IP6K1: variants seen among roughly 807,000 people sequenced by gnomAD.
The protein encoded by IP6K1 is inositol hexakisphosphate kinase 1.
IP6K1 carries 13 observed loss-of-function variants against 38.3 expected under a neutral mutation model. The ratio of observed to expected loss-of-function variants is 0.34; its 90% CI spans 0.22 to 0.54. IP6K1 has a LOEUF of 0.54. Among genes scored for constraint, IP6K1 ranks in the 20% least tolerant of loss-of-function variants. IP6K1 has a pLI of 0.92. For synonymous variants in IP6K1, 212 were observed against 229.9 expected, an observed-to-expected ratio of 0.92 and a Z score of 0.70; for missense variants, 397 against 599.8, an observed-to-expected ratio of 0.66 and a Z score of 3.53.
At chr3:49,760,082 G>C (rs1231556905) in intron 1 of IP6K1, among the ~76,000 whole-genome samples, 3 of 151,982 alleles carry the variant, frequency 2.0e-5, no homozygotes, top group Non-Finnish European at 2.9e-5. Flanking sequence ...TTTTTGTAGA[G>C]ATGAGGTCTC....
In IP6K1 at chr3:49,764,223, G is replaced by GA. The variant is rs923632951; in HGVS notation, c.-128-16056dup. The stretch of plus-strand genomic sequence containing the variant: ...ATAGTGAGACCCCATTTCTACAAAA[G>GA]AAAAAAAAAATAGCCAGACATGGTG... On this transcript the variant is annotated intron_variant, in intron 1 of 5. Transcript: ENST00000321599. 1.7e-4 allele frequency among the ~76,000 whole-genome samples: 25 copies of GA among 145,192 alleles called. No individual in the cohort carries two copies. In the East Asian group the frequency reaches 2.2e-3, roughly 13 times the overall value.
intron 1 of IP6K1, among the ~76,000 whole-genome samples, chr3:49,771,973 C>T (rs1163271685): frequency 6.6e-6 from 1 of 151,938 alleles, no homozygotes; most frequent in Admixed American, 6.6e-5. Flanking sequence ...CAACACTTTG[C>T]GAGGCCAAAG....
intron 5 of IP6K1, 67 bp downstream of exon 5, chr3:49,728,036 G>A (rs961822680): frequency 1.3e-6 from 2 of 1,497,260 alleles, no homozygotes; most frequent in Non-Finnish European, 9.2e-7. Flanking sequence ...ATAGATGGCA[G>A]GCAGGTATGA....
chr3:49,780,543 AGC>A (rs2081056665), intron 1 of IP6K1, among the ~76,000 whole-genome samples: 1 of 152,244 alleles, frequency 6.6e-6, no homozygotes, highest in African/African-American at 2.4e-5. Context: ...TGTTCCTTAT[AGC>A]GTCAGGGCTG....
chr3:49,772,719 T>C (rs2080970725), intron 1 of IP6K1, among the ~76,000 whole-genome samples: 1 of 151,120 alleles, frequency 6.6e-6, no homozygotes, highest in Non-Finnish European at 1.5e-5. Context: ...TACTTCTGAC[T>C]AGCCAATTTC....
chr3:49,756,739 C>T (rs1374189338), intron 1 of IP6K1, among the ~76,000 whole-genome samples: 1 of 145,182 alleles, frequency 6.9e-6, no homozygotes. Context: ...CACTTGAACC[C>T]AGAAGGCAGA....
At chr3:49,742,052 C>A (rs539106938) in intron 2 of IP6K1, among the ~76,000 whole-genome samples, 1 of 151,972 alleles carries the variant, frequency 6.6e-6, no homozygotes, top group Non-Finnish European at 1.5e-5. Flanking sequence ...GCACTCCAGC[C>A]TGGGCGACAC....
intron 1 of IP6K1, chr3:49,775,361 G>T: frequency 3.0e-6 from 1 of 334,682 alleles, no homozygotes; most frequent in South Asian, 5.7e-5. Context: ...TGTGAAAAAT[G>T]TGACAGCAAG....
rs1293273886 is a variant in IP6K1, at chr3:49,724,945, GGGCTAAGAA to G, written c.*2168_*2176del. The G allele has an allele frequency of 6.5e-6, 1 of 152,900 alleles. No individual in the cohort carries two copies. The highest frequency in any genetic ancestry group is 1.5e-5 in the Non-Finnish European group (1 of 68,242). 9.5% of individuals were successfully genotyped at this position (152,900 alleles called of 1,614,324 possible). ...CATGTTGCACTTTGTTCCCAAGTTG[GGGCTAAGAA>G]GGCTGGGCCTGGCAGGGACAGGGCT... is the stretch of plus-strand genomic sequence containing the variant. On this transcript the variant is annotated 3_prime_UTR_variant, in exon 6 of 6. Coordinates refer to ENST00000321599, the MANE Select transcript of IP6K1 (RefSeq NM_153273.4).
chr3:49,752,948 C>T (rs1461496724), intron 1 of IP6K1, among the ~76,000 whole-genome samples: 11 of 151,658 alleles, frequency 7.3e-5, no homozygotes, highest in Admixed American at 1.3e-4. Context: ...TTACTAGAGA[C>T]GGGGTTTTGT....
At chr3:49,753,207 A>G (rs1428064899) in intron 1 of IP6K1, among the ~76,000 whole-genome samples, 1 of 152,088 alleles carries the variant, frequency 6.6e-6, no homozygotes, top group Non-Finnish European at 1.5e-5. Flanking sequence ...ACTGGCCTTC[A>G]TGATGTTCCT....
chr3:49,749,973 G>C (rs547019830), intron 1 of IP6K1, among the ~76,000 whole-genome samples: 1 of 152,046 alleles, frequency 6.6e-6, no homozygotes, highest in Non-Finnish European at 1.5e-5. Context: ...TGAGTATAGT[G>C]CACACATCTA....
At chr3:49,773,980 AACACACACACACACAC>A (rs10575617) in intron 1 of IP6K1, among the ~76,000 whole-genome samples, 3 of 142,178 alleles carry the variant, frequency 2.1e-5, no homozygotes, top group Admixed American at 7.2e-5. Flanking sequence ...CTCTCTCTAA[AACACACACACACACAC>A]ACACACACAC....
intron 1 of IP6K1, among the ~76,000 whole-genome samples, chr3:49,773,526 G>C (rs1217763500): frequency 6.6e-6 from 1 of 152,176 alleles, no homozygotes; most frequent in Non-Finnish European, 1.5e-5. Context: ...CAGGAGAATG[G>C]CATGACCCTG....
chr3:49,759,495 G>A (rs1339737491), intron 1 of IP6K1, among the ~76,000 whole-genome samples: 1 of 152,060 alleles, frequency 6.6e-6, no homozygotes, highest in Non-Finnish European at 1.5e-5. Context: ...CCATCTCAAG[G>A]GCCAAACAGC....
intron 2 of IP6K1, among the ~76,000 whole-genome samples, chr3:49,739,578 C>T (rs1414687579): frequency 6.6e-6 from 1 of 151,970 alleles, no homozygotes; most frequent in African/African-American, 2.4e-5. Context: ...ATGGTCTCAT[C>T]TCCTGACCTC....
chr3:49,725,669 G>T lies in IP6K1; in HGVS notation c.*1453C>A, dbSNP rs768273617. 6.5e-6 allele frequency: 1 copy of T among 152,688 alleles called. No individual in the cohort carries two copies. Among genetic ancestry groups the T allele is most frequent in the Non-Finnish European group, 1.5e-5 (1 of 68,076 alleles). 9.5% of individuals were successfully genotyped at this position (152,688 alleles called of 1,614,324 possible). A position where few individuals can be genotyped will look rare whatever the true frequency, so the allele number is the denominator to read the frequency against. On this transcript the variant is annotated 3_prime_UTR_variant, in exon 6 of 6. Coordinates refer to ENST00000321599, the MANE Select transcript of IP6K1 (RefSeq NM_153273.4). The stretch of plus-strand genomic sequence containing the variant: ...GCTAACCTTGGCAATGGCTGAAATC[G>T]GTGTCACCTCCTGGCCATCTGTTAG...
At chr3:49,743,587 G>C (rs989491843) in intron 2 of IP6K1, among the ~76,000 whole-genome samples, 3 of 151,340 alleles carry the variant, frequency 2.0e-5, no homozygotes, top group Non-Finnish European at 2.9e-5. Context: ...GCTGAGGTGG[G>C]AGGATCACTT....
intron 1 of IP6K1, among the ~76,000 whole-genome samples, chr3:49,761,953 T>C (rs577947789): frequency 6.6e-6 from 1 of 151,706 alleles, no homozygotes; most frequent in Non-Finnish European, 1.5e-5. Flanking sequence ...CTCTCTCTCT[T>C]TCATTTATTT....
Sources: allele counts gnomAD v4.1 joint callset (sites outside exome capture counted in the v4.1 genomes callset), GRCh38; gene constraint gnomAD v4.1.1; transcripts MANE v1.5; gene names NCBI Gene and HGNC (gene_info 2026-07-23, HGNC 2026-07-21).